MAPK10: variants seen among roughly 807,000 people sequenced by gnomAD.
MAPK10 encodes the protein mitogen-activated protein kinase 10, also known as JNK3 alpha protein kinase.
In MAPK10, 25 loss-of-function variants were observed where a neutral mutation model predicts 59.3. That is an observed-to-expected ratio of 0.42 (90% CI 0.31 to 0.59). The LOEUF is 0.59. Among genes scored for constraint, MAPK10 ranks in the 20% least tolerant of loss-of-function variants. The pLI is 0.15. For synonymous variants in MAPK10, 190 were observed against 200.5 expected (o/e 0.95, Z 0.44); for missense variants, 351 against 568.9 (o/e 0.62, Z 3.90).
At chr4:86,389,340 GTC>G (rs1741900047) in intron 1 of MAPK10, among the ~76,000 whole-genome samples, 1 of 152,120 alleles carries the variant, frequency 6.6e-6, no homozygotes, top group Non-Finnish European at 1.5e-5. Context: ...AAATTACCCA[GTC>G]TCAGGTATTT....
At chr4:86,443,791 G>C (rs1460802864) in intron 1 of MAPK10, among the ~76,000 whole-genome samples, 2 of 152,156 alleles carry the variant, frequency 1.3e-5, no homozygotes, top group African/African-American at 4.8e-5. Context: ...AAGACTCATG[G>C]CATGAATGTT....
At chr4:86,234,425 A>T (rs901213936) in intron 2 of MAPK10, among the ~76,000 whole-genome samples, 85 of 152,260 alleles carry the variant, frequency 5.6e-4, no homozygotes, top group African/African-American at 1.9e-3. Flanking sequence ...TTATTAAAAT[A>T]TAAACAGTTT....
chr4:86,563,762 C>T (rs1165141917), intron 1 of MAPK10, among the ~76,000 whole-genome samples: 1 of 152,176 alleles, frequency 6.6e-6, no homozygotes, highest in African/African-American at 2.4e-5. Context: ...AGGACATTCA[C>T]ATCCCAGGCC....
At chr4:86,558,792 T>A (rs1284976951) in intron 1 of MAPK10, among the ~76,000 whole-genome samples, 2 of 151,014 alleles carry the variant, frequency 1.3e-5, no homozygotes, top group African/African-American at 4.9e-5. Flanking sequence ...CTGAAGAAAT[T>A]AGAGTATGCA....
At chr4:86,450,488 ATTTAT>A (rs1169090487) in intron 1 of MAPK10, among the ~76,000 whole-genome samples, 1 of 152,226 alleles carries the variant, frequency 6.6e-6, no homozygotes, top group Non-Finnish European at 1.5e-5. Context: ...TATTATATTA[ATTTAT>A]AACTGAAAAA....
At chr4:86,398,654 A>T (rs1025254798) in intron 1 of MAPK10, among the ~76,000 whole-genome samples, 4 of 152,154 alleles carry the variant, frequency 2.6e-5, no homozygotes, top group African/African-American at 9.7e-5. Flanking sequence ...CAGGTTTGTT[A>T]CAGGGGTACA....
At chr4:86,472,639 A>T (rs1752750504) in intron 1 of MAPK10, among the ~76,000 whole-genome samples, 1 of 152,166 alleles carries the variant, frequency 6.6e-6, no homozygotes, top group African/African-American at 2.4e-5. Context: ...GTGAGAAGCA[A>T]GATCCTGTCT....
chr4:86,135,371 C>T (rs1157142255), intron 4 of MAPK10, among the ~76,000 whole-genome samples: 1 of 152,186 alleles, frequency 6.6e-6, no homozygotes, highest in Non-Finnish European at 1.5e-5. Flanking sequence ...CAAGTGGGTC[C>T]CTGACCCCTG....
chr4:86,549,462 G>C (rs536362768), intron 1 of MAPK10, among the ~76,000 whole-genome samples: 1 of 152,208 alleles, frequency 6.6e-6, no homozygotes, highest in African/African-American at 2.4e-5. Flanking sequence ...ACATAGAAAA[G>C]ATACAGTAAA....
chr4:86,150,507 C>A (rs1366326457), intron 4 of MAPK10, among the ~76,000 whole-genome samples: 1 of 152,190 alleles, frequency 6.6e-6, no homozygotes, highest in Non-Finnish European at 1.5e-5. Context: ...GGATTAGCCA[C>A]TTAGGAGGTC....
At chr4:86,491,224 A>C (rs1319623390) in intron 1 of MAPK10, among the ~76,000 whole-genome samples, 1 of 152,190 alleles carries the variant, frequency 6.6e-6, no homozygotes, top group Non-Finnish European at 1.5e-5. Context: ...CCTCAAATGT[A>C]GGTGCAACAA....
intron 2 of MAPK10, among the ~76,000 whole-genome samples, chr4:86,235,839 G>T (rs2092163519): frequency 6.6e-6 from 1 of 152,196 alleles, no homozygotes; most frequent in Non-Finnish European, 1.5e-5. Context: ...TCTTGTATTA[G>T]TTGTGGATTG....
intron 13 of MAPK10, chr4:86,024,282 A>G (rs1486761206): frequency 6.6e-6 from 1 of 152,224 alleles, no homozygotes; most frequent in African/African-American, 2.4e-5. Context: ...AATTTCTCCA[A>G]AACACAAATT....
chr4:86,357,788 A>C (rs1241717753), intron 1 of MAPK10: 1 of 152,184 alleles, frequency 6.6e-6, no homozygotes, highest in Non-Finnish European at 1.5e-5. Context: ...CCCACTCTAC[A>C]TATAATTTCT....
chr4:86,100,943 C>A, intron 8 of MAPK10, 109 bp downstream of exon 8: 1 of 900,302 alleles, frequency 1.1e-6, no homozygotes, highest in Admixed American at 2.3e-5. Flanking sequence ...TATCTGGCAG[C>A]CCTACTTTAT....
At chr4:86,399,424 T>C (rs1281768820) in intron 1 of MAPK10, among the ~76,000 whole-genome samples, 1 of 152,232 alleles carries the variant, frequency 6.6e-6, no homozygotes, top group Non-Finnish European at 1.5e-5. Flanking sequence ...TAACTGCTTA[T>C]GTCTTTTGCC....
chr4:86,464,480 C>A (rs1229243357), intron 1 of MAPK10, among the ~76,000 whole-genome samples: 8 of 152,212 alleles, frequency 5.3e-5, no homozygotes, highest in Admixed American at 2.6e-4. Context: ...TACAGATGAA[C>A]AACTGATGAC....
chr4:86,561,537 T>G (rs1760679464), intron 1 of MAPK10, among the ~76,000 whole-genome samples: 1 of 152,220 alleles, frequency 6.6e-6, no homozygotes, highest in Non-Finnish European at 1.5e-5. Flanking sequence ...CTTGTTGATT[T>G]ACAGTGAATG....
intron 1 of MAPK10, among the ~76,000 whole-genome samples, chr4:86,437,797 A>G (rs1748943561): frequency 6.6e-6 from 1 of 152,240 alleles, no homozygotes; most frequent in East Asian, 1.9e-4. Context: ...AAATATGCTC[A>G]TAACAGCATT....
Sources: gnomAD v4.1 joint callset for allele counts (sites outside exome capture counted in the v4.1 genomes callset) on GRCh38, gnomAD v4.1.1 for gene constraint, MANE v1.5 for transcripts, NCBI Gene and HGNC (gene_info 2026-07-23, HGNC 2026-07-21) for gene names.